L3MBTL2: variants seen among roughly 807,000 people sequenced by gnomAD.
The protein encoded by L3MBTL2 is L3MBTL histone methyl-lysine binding protein 2, also known as lethal(3)malignant brain tumor-like protein 2.
In L3MBTL2, 49 loss-of-function variants were observed where a neutral mutation model predicts 86.4. That is an observed-to-expected ratio of 0.57 (90% CI 0.45 to 0.72). L3MBTL2 has a LOEUF of 0.72. Among genes scored for constraint, L3MBTL2 ranks in the 30% least tolerant of loss-of-function variants. The pLI is 0.00. For synonymous variants in L3MBTL2, 336 were observed against 350.6 expected (o/e 0.96, Z 0.47); for missense variants, 755 against 923.7 (o/e 0.82, Z 2.37).
At chr22:41,221,643 G>A (rs2031827317) in intron 8 of L3MBTL2, among the ~76,000 whole-genome samples, 1 of 152,198 alleles carries the variant, frequency 6.6e-6, no homozygotes, top group South Asian at 2.1e-4. Flanking sequence ...GTCTCGCTCT[G>A]TCCCCCAGGC....
At chr22:41,219,582 A>G (rs2031665358) in intron 6 of L3MBTL2, 46 bp downstream of exon 6, 2 of 1,240,420 alleles carry the variant, frequency 1.6e-6, no homozygotes, top group African/African-American at 3.0e-5. Context: ...CTGCAGAGTG[A>G]CATCTCTAGA....
intron 2 of L3MBTL2, among the ~76,000 whole-genome samples, chr22:41,213,219 C>CA (rs1254791565): frequency 6.6e-6 from 1 of 151,996 alleles, no homozygotes; most frequent in African/African-American, 2.4e-5. Context: ...GGCTCCGTCT[C>CA]AAAAATAAAT....
intron 3 of L3MBTL2, among the ~76,000 whole-genome samples, chr22:41,215,672 G>GTGGACCCTCTCCCGAACATTCGCCTATA (rs1327469014): frequency 1.3e-4 from 20 of 152,340 alleles, no homozygotes; most frequent in African/African-American, 4.8e-4. Context: ...ATTCGCCTAT[G>GTGGACCCTCTCCCGAACATTCGCCTATA]TGGACCCTCT....
At position 41,227,298 on chromosome 22, in the gene L3MBTL2, C is replaced by A. The variant is rs1485072166; in HGVS notation, c.1797C>A (p.Tyr599Ter). ...YPVGWCELTG[Y>*]QLQPPVAAEP... is the part of the protein sequence containing the mutation. ...TCGGCTGGTGTGAGCTCACCGGCTA[C>A]CAGCTCCAGCCTCCTGTGGCCGCAG... Residue 599 changes from tyrosine (Y) to a stop codon, truncating the protein, a stop_gained, in exon 14 of 17, where the codon TAC becomes TAA. Transcript: ENST00000216237. LOFTEE classifies it high-confidence loss of function. The surrounding 1 kb of genome is among the most constrained non-coding windows in gnomAD (Gnocchi z 6.0). 1.2e-6 allele frequency: 2 copies of A among 1,605,762 alleles called. No individual in the cohort carries two copies. Among genetic ancestry groups the A allele is most frequent in the Non-Finnish European group, 8.5e-7 (1 of 1,176,604 alleles).
At chr22:41,214,872 G>T (rs548529572) in intron 3 of L3MBTL2, among the ~76,000 whole-genome samples, 2 of 152,162 alleles carry the variant, frequency 1.3e-5, no homozygotes, top group African/African-American at 4.8e-5. Flanking sequence ...TTAGCCAGGC[G>T]TGGTGTTGTA....
Position 41,213,950 on chromosome 22 carries a change from A to G in L3MBTL2, c.320A>G (p.Lys107Arg), listed in dbSNP as rs376615950. ...AGGGAAGCCTTCTTCTCCAAGACCA[A>G]GAGGTTCTGCAGCGTCTCCTGCTCC... The part of the protein sequence containing the change: ...GTREAFFSKT[K>R]RFCSVSCSRS... Residue 107 changes from lysine (K) to arginine (R), a missense_variant, in exon 3 of 17, where the codon AAG becomes AGG. Coordinates refer to ENST00000216237, the MANE Select transcript of L3MBTL2 (RefSeq NM_031488.5). 1 of 1,613,976 alleles carries G rather than the reference A, an allele frequency of 6.2e-7. No individual in the cohort carries two copies. Among genetic ancestry groups the G allele is most frequent in the African/African-American group, 1.3e-5 (1 of 74,916 alleles).
At chr22:41,219,286 G>C in intron 5 of L3MBTL2, 133 bp from the exon 6 acceptor site, 1 of 684,600 alleles carries the variant, frequency 1.5e-6, no homozygotes, top group South Asian at 1.6e-5. Context: ...ATCTCTAGTA[G>C]CTGGTTCTGC....
At chr22:41,228,906 T>TG (rs1212322402) in intron 15 of L3MBTL2, among the ~76,000 whole-genome samples, 1 of 151,356 alleles carries the variant, frequency 6.6e-6, no homozygotes. Flanking sequence ...AGGCAGAGGC[T>TG]CTGTACCATT....
At position 41,220,697 on chromosome 22, in the gene L3MBTL2, C is replaced by T. The variant is rs765325690; in HGVS notation, c.719-37C>T. ...AAAACAGAACATACCTTCCCCAGCT[C>T]ACCCTCCCTCACAGGTGCCCTTTCC... On this transcript the variant is annotated intron_variant, in intron 6 of 16. Coordinates refer to ENST00000216237, the MANE Select transcript of L3MBTL2 (RefSeq NM_031488.5). 6.3e-6 allele frequency: 10 copies of T among 1,575,020 alleles called. No homozygotes were observed. In the South Asian group the frequency reaches 6.8e-5, roughly 11 times the overall value.
At chr22:41,209,636 C>A in intron 1 of L3MBTL2, 60 bp from the exon 2 acceptor site, 1 of 1,477,728 alleles carries the variant, frequency 6.8e-7, no homozygotes, top group Non-Finnish European at 9.4e-7. Flanking sequence ...GCAGCTTCTC[C>A]CCCCGTGCAC....
intron 2 of L3MBTL2, 125 bp from the exon 3 acceptor site, chr22:41,213,768 A>G (rs1444281905): frequency 5.9e-6 from 6 of 1,019,172 alleles, no homozygotes; most frequent in South Asian, 5.9e-5. Context: ...CTCTTATTCC[A>G]TTAGCCTTTG....
In L3MBTL2 at chr22:41,230,560, G is replaced by A. The variant is rs2145625095; in HGVS notation, c.*309G>A. The stretch of plus-strand genomic sequence containing the variant: ...TAGCTGCCTGCTCTTCCTTAAGATG[G>A]CCTCCCCCCGACCCGCCACGGCCCT... On this transcript the variant is annotated 3_prime_UTR_variant, in exon 17 of 17. Transcript: ENST00000216237. 2 of 379,642 alleles carry A rather than the reference G, an allele frequency of 5.3e-6. No individual in the cohort carries two copies. Among genetic ancestry groups the A allele is most frequent in the African/African-American group, 2.1e-5 (1 of 47,740 alleles). 23.5% of individuals were successfully genotyped at this position (379,642 alleles called of 1,614,324 possible).
At position 41,227,452 on chromosome 22, in the gene L3MBTL2, G is replaced by A. The variant is rs1774762775; in HGVS notation, c.1822+129G>A. ...GATGTCTCATGGACCACTTTAAGTA[G>A]AGAGTGAGCCCCGTCACCCAGCCCC... On this transcript the variant is annotated intron_variant, in intron 14 of 16. Coordinates refer to ENST00000216237, the MANE Select transcript of L3MBTL2 (RefSeq NM_031488.5). The surrounding 1 kb of genome is among the most constrained non-coding windows in gnomAD (Gnocchi z 6.0). 1.1e-5 allele frequency: 13 copies of A among 1,194,236 alleles called. No individual in the cohort carries two copies. The highest frequency in any genetic ancestry group is 1.5e-5 in the African/African-American group (1 of 66,160). 74.0% of individuals were successfully genotyped at this position (1,194,236 alleles called of 1,614,324 possible).
Position 41,230,568 on chromosome 22 carries a change from C to G in L3MBTL2, c.*317C>G, listed in dbSNP as rs111756002. 8.1e-6 allele frequency: 3 copies of G among 369,336 alleles called. No individual in the cohort carries two copies. The highest frequency in any genetic ancestry group is 3.1e-5 in the South Asian group (1 of 32,672). The allele number at this position is 369,336 out of a possible 1,614,324, so 22.9% of individuals were successfully genotyped here. A position where few individuals can be genotyped will look rare whatever the true frequency, so the allele number is the denominator to read the frequency against. ...TGCTCTTCCTTAAGATGGCCTCCCC[C>G]CGACCCGCCACGGCCCTCAGTTGCC... On this transcript the variant is annotated 3_prime_UTR_variant, in exon 17 of 17. Coordinates refer to ENST00000216237, the MANE Select transcript of L3MBTL2 (RefSeq NM_031488.5).
chr22:41,210,450 C>G (rs2030654712), intron 2 of L3MBTL2, among the ~76,000 whole-genome samples: 2 of 152,198 alleles, frequency 1.3e-5, no homozygotes, highest in African/African-American at 4.8e-5. Flanking sequence ...CTGCCTCAGC[C>G]TCCTGAGTAG....
rs761068790 is a variant in L3MBTL2 at position 41,229,707 on chromosome 22, G to C, written c.2005+51G>C. 5 of 1,612,532 alleles carry C rather than the reference G, an allele frequency of 3.1e-6. No individual in the cohort carries two copies. The South Asian group carries it at 5.5e-5, about 18-fold the overall frequency. On this transcript the variant is annotated intron_variant, in intron 16 of 16. Coordinates refer to ENST00000216237, the MANE Select transcript of L3MBTL2 (RefSeq NM_031488.5). ...GCAGGACCAGCCTGCTCCGTGCTCAGAGACGACCCTTCTCCTTCCCCACCT... is the reference window on the plus strand; with the variant it reads ...GCAGGACCAGCCTGCTCCGTGCTCACAGACGACCCTTCTCCTTCCCCACCT...
At chr22:41,214,669 A>G (rs1422222159) in intron 3 of L3MBTL2, 1 of 152,158 alleles carries the variant, frequency 6.6e-6, no homozygotes, top group Non-Finnish European at 1.5e-5. Flanking sequence ...CATCTGCAAC[A>G]CTGCTTCCCA....
chr22:41,206,899 C>T (rs955328785), intron 1 of L3MBTL2, among the ~76,000 whole-genome samples: 9 of 151,924 alleles, frequency 5.9e-5, no homozygotes, highest in African/African-American at 9.7e-5. Context: ...CAAGGGTAAA[C>T]GAGAATAATC....
chr22:41,220,192 GA>G (rs1248106815), intron 6 of L3MBTL2, among the ~76,000 whole-genome samples: 1 of 152,114 alleles, frequency 6.6e-6, no homozygotes, highest in Non-Finnish European at 1.5e-5. Flanking sequence ...TATAAAAAAT[GA>G]AAAAATTTAA....
Sources: allele counts gnomAD v4.1 joint callset (sites outside exome capture counted in the v4.1 genomes callset), GRCh38; gene constraint gnomAD v4.1.1; non-coding constraint Gnocchi (gnomAD v3.1); transcripts MANE v1.5; gene names NCBI Gene and HGNC (gene_info 2026-07-23, HGNC 2026-07-21).